The following RIMS2 variants were observed in gnomAD, a reference collection of about 807,000 sequenced individuals.
RIMS2 encodes regulating synaptic membrane exocytosis 2.
RIMS2 carries 59 observed loss-of-function variants against 174.4 expected under a neutral mutation model. That is an observed-to-expected ratio of 0.34 (90% CI 0.27 to 0.42). The LOEUF is 0.42. RIMS2 is among the 10% of genes least tolerant of loss of function. RIMS2 has a pLI of 1.00. For missense variants in RIMS2, 1,620 were observed against 1,666.3 expected (o/e 0.97, Z 0.48); for synonymous variants, 606 against 572.5 (o/e 1.06, Z -0.84).
intron 19 of RIMS2, among the ~76,000 whole-genome samples, chr8:104,105,152 G>A (rs191274640): frequency 9.9e-4 from 151 of 152,262 alleles, no homozygotes; most frequent in Admixed American, 2.2e-3. Context: ...TTCAGTAAAT[G>A]AAGGAGTGAC....
chr8:103,672,329 T>A (rs1253308158), intron 1 of RIMS2, among the ~76,000 whole-genome samples: 1 of 152,170 alleles, frequency 6.6e-6, no homozygotes, highest in African/African-American at 2.4e-5. Context: ...ATTAATACAT[T>A]ATGAATTATA....
chr8:104,126,855 C>T (rs577676553), intron 19 of RIMS2, among the ~76,000 whole-genome samples: 19 of 152,086 alleles, frequency 1.2e-4, no homozygotes, highest in African/African-American at 4.6e-4. Flanking sequence ...TCTTTTATTT[C>T]CTTAGTACTT....
chr8:103,861,759 G>A (rs887068774), intron 3 of RIMS2, among the ~76,000 whole-genome samples: 7 of 151,832 alleles, frequency 4.6e-5, no homozygotes, highest in Admixed American at 1.3e-4. Context: ...CATGTTTGTT[G>A]GCTGCTTATA....
intron 3 of RIMS2, among the ~76,000 whole-genome samples, chr8:103,849,827 C>T (rs1471907905): frequency 1.3e-5 from 2 of 151,934 alleles, no homozygotes; most frequent in Non-Finnish European, 2.9e-5. Context: ...TGTGTATCTT[C>T]CTGAAATACT....
intron 19 of RIMS2, among the ~76,000 whole-genome samples, chr8:104,069,463 C>CTTTTTTTTT (rs71297250): frequency 4.3e-5 from 4 of 91,972 alleles, no homozygotes; most frequent in Non-Finnish European, 6.5e-5. Flanking sequence ...ATTAATTGTT[C>CTTTTTTTTT]TTTTTTTTTT....
intron 1 of RIMS2, among the ~76,000 whole-genome samples, chr8:103,651,193 A>G (rs2096445754): frequency 6.6e-6 from 1 of 152,218 alleles, no homozygotes; most frequent in Admixed American, 6.5e-5. Context: ...TCACACAATC[A>G]CTGACAGCTT....
intron 3 of RIMS2, among the ~76,000 whole-genome samples, chr8:103,826,646 A>G (rs1049682114): frequency 2.0e-5 from 3 of 150,440 alleles, no homozygotes; most frequent in African/African-American, 4.9e-5. Context: ...TTTTTGTCCA[A>G]TAGGTTATAT....
chr8:104,018,621 GT>G (rs2095993808), intron 19 of RIMS2, among the ~76,000 whole-genome samples: 1 of 152,056 alleles, frequency 6.6e-6, no homozygotes. Context: ...TATTTAATGA[GT>G]ACCTACTAGA....
At chr8:104,117,622 A>G (rs547009218) in intron 19 of RIMS2, among the ~76,000 whole-genome samples, 1 of 152,178 alleles carries the variant, frequency 6.6e-6, no homozygotes, top group Non-Finnish European at 1.5e-5. Context: ...GATTACAGGC[A>G]TGACCTACCA....
At chr8:103,841,968 A>G (rs550175159) in intron 3 of RIMS2, among the ~76,000 whole-genome samples, 2 of 118,118 alleles carry the variant, frequency 1.7e-5, no homozygotes, top group African/African-American at 8.0e-5. Flanking sequence ...AAGAAAAAAG[A>G]AAAAAAAAAG....
chr8:103,657,024 A>T (rs1006056965), intron 1 of RIMS2, among the ~76,000 whole-genome samples: 9 of 152,158 alleles, frequency 5.9e-5, no homozygotes, highest in African/African-American at 2.2e-4. Flanking sequence ...AACCATTTTG[A>T]CATACTCCCA....
intron 10 of RIMS2, among the ~76,000 whole-genome samples, chr8:103,925,881 T>G (rs936784717): frequency 6.6e-6 from 1 of 151,616 alleles, no homozygotes; most frequent in African/African-American, 2.4e-5. Flanking sequence ...ATTGTATACT[T>G]TAAAATAGTC....
chr8:103,783,145 G>T (rs1191846082), intron 3 of RIMS2, among the ~76,000 whole-genome samples: 1 of 152,036 alleles, frequency 6.6e-6, no homozygotes, highest in African/African-American at 2.4e-5. Flanking sequence ...CCTTGCAATT[G>T]TATGGTTGTT....
At chr8:104,027,478 A>G (rs1478088479) in intron 19 of RIMS2, among the ~76,000 whole-genome samples, 3 of 152,170 alleles carry the variant, frequency 2.0e-5, no homozygotes, top group Non-Finnish European at 2.9e-5. Context: ...AAACTTAGTC[A>G]TTCTTCAAGG....
intron 11 of RIMS2, among the ~76,000 whole-genome samples, chr8:103,930,874 A>T (rs2079790086): frequency 6.6e-6 from 1 of 152,116 alleles, no homozygotes; most frequent in Admixed American, 6.6e-5. Context: ...CTATCTACTC[A>T]ATTCATTTTG....
intron 19 of RIMS2, chr8:104,094,778 T>C (rs79698047): frequency 0.022 from 13,192 of 589,748 alleles, 874 homozygotes; most frequent in East Asian, 0.17. Flanking sequence ...GTAGTCTTTT[T>C]TACCATTCCT....
intron 3 of RIMS2, among the ~76,000 whole-genome samples, chr8:103,858,605 G>C (rs2099040776): frequency 6.7e-6 from 1 of 150,074 alleles, no homozygotes; most frequent in Non-Finnish European, 1.5e-5. Flanking sequence ...GTGTGTGTCT[G>C]TGTGTGTGTG....
intron 1 of RIMS2, among the ~76,000 whole-genome samples, chr8:103,536,822 G>A (rs1024317912): frequency 1.3e-5 from 2 of 152,212 alleles, no homozygotes; most frequent in Non-Finnish European, 2.9e-5. Context: ...TTCGATGTGA[G>A]ATTTAGGTTG....
intron 3 of RIMS2, among the ~76,000 whole-genome samples, chr8:103,792,714 A>G (rs547586574): frequency 2.6e-5 from 4 of 151,940 alleles, no homozygotes; most frequent in African/African-American, 9.7e-5. Context: ...AAGAGAGAAG[A>G]ATCAAATAGA....
Sources: gnomAD v4.1 joint callset for allele counts (sites outside exome capture counted in the v4.1 genomes callset) on GRCh38, gnomAD v4.1.1 for gene constraint, MANE v1.5 for transcripts, NCBI Gene and HGNC (gene_info 2026-07-23, HGNC 2026-07-21) for gene names.